Variants in MACROH2A2 observed in about 807,000 individuals in gnomAD.
The protein encoded by MACROH2A2 is macroH2A.2 histone.
Under a neutral mutation model 37.6 loss-of-function variants are expected in MACROH2A2, and 6 were observed. The observed-to-expected ratio is 0.16, with a 90% CI of 0.09 to 0.32. MACROH2A2 has a LOEUF of 0.32. MACROH2A2 is among the 10% of genes least tolerant of loss of function. The pLI, the probability that MACROH2A2 is intolerant of heterozygous loss-of-function variation, is 1.00. For missense variants in MACROH2A2, 290 were observed against 485.9 expected (o/e 0.60, Z 3.79); for synonymous variants, 192 against 202.7 (o/e 0.95, Z 0.45).
chr10:70,074,802 G>C (rs1354722025), intron 1 of MACROH2A2, among the ~76,000 whole-genome samples: 2 of 152,182 alleles, frequency 1.3e-5, no homozygotes, highest in African/African-American at 4.8e-5. Context: ...ACGTGGAACT[G>C]TGAGTGCATT....
intron 4 of MACROH2A2, among the ~76,000 whole-genome samples, chr10:70,093,086 T>C (rs2072256031): frequency 6.6e-6 from 1 of 151,946 alleles, no homozygotes; most frequent in Non-Finnish European, 1.5e-5. Context: ...CATAGCTCAC[T>C]GTAGCCTCAA....
intron 2 of MACROH2A2, among the ~76,000 whole-genome samples, chr10:70,080,532 TCC>T (rs2072169950): frequency 6.6e-6 from 1 of 151,972 alleles, no homozygotes; most frequent in Non-Finnish European, 1.5e-5. Flanking sequence ...GTCCAGGAGT[TCC>T]AGACCAGCTT....
At chr10:70,077,190 T>G (rs545000479) in intron 2 of MACROH2A2, among the ~76,000 whole-genome samples, 1 of 152,362 alleles carries the variant, frequency 6.6e-6, no homozygotes, top group African/African-American at 2.4e-5. Flanking sequence ...ATGATGCTGC[T>G]GGTCCAGGGA....
At chr10:70,056,826 C>G (rs2136613451) in intron 1 of MACROH2A2, among the ~76,000 whole-genome samples, 1 of 152,196 alleles carries the variant, frequency 6.6e-6, no homozygotes, top group South Asian at 2.1e-4. Flanking sequence ...CTAAAAGAAC[C>G]CTCACAATTT....
At chr10:70,072,762 C>G (rs4746020) in intron 1 of MACROH2A2, among the ~76,000 whole-genome samples, 63,542 of 151,780 alleles carry the variant, frequency 0.42, 13,677 homozygotes, top group East Asian at 0.58. Flanking sequence ...TTTGAGACCA[C>G]CCTGGCCAAC....
At chr10:70,068,925 T>C (rs576213055) in intron 1 of MACROH2A2, among the ~76,000 whole-genome samples, 1 of 152,336 alleles carries the variant, frequency 6.6e-6, no homozygotes, top group African/African-American at 2.4e-5. Flanking sequence ...CAACATCTAA[T>C]GTAGTTTCTT....
chr10:70,077,817 T>TG (rs1477464122), intron 2 of MACROH2A2, among the ~76,000 whole-genome samples: 1 of 152,208 alleles, frequency 6.6e-6, no homozygotes, highest in Non-Finnish European at 1.5e-5. Context: ...AGGAATCTGA[T>TG]GGGAAAACCT....
chr10:70,069,493 A>G (rs2072096966), intron 1 of MACROH2A2, among the ~76,000 whole-genome samples: 1 of 152,144 alleles, frequency 6.6e-6, no homozygotes, highest in Non-Finnish European at 1.5e-5. Flanking sequence ...TTTCCTCTAT[A>G]GCCCACGTGC....
chr10:70,106,903 T>G (rs558908444), intron 7 of MACROH2A2, among the ~76,000 whole-genome samples: 1 of 151,972 alleles, frequency 6.6e-6, no homozygotes, highest in Non-Finnish European at 1.5e-5. Flanking sequence ...GCCATGACTG[T>G]AACAAGCCAA....
At chr10:70,109,006 C>A (rs1334287696) in intron 7 of MACROH2A2, 27 bp from the exon 8 acceptor site, 3 of 1,606,670 alleles carry the variant, frequency 1.9e-6, no homozygotes, top group Non-Finnish European at 2.6e-6. Context: ...GGAAATAACC[C>A]GCGGCATTTT....
At chr10:70,093,401 G>A (rs1487659238) in intron 4 of MACROH2A2, among the ~76,000 whole-genome samples, 1 of 152,134 alleles carries the variant, frequency 6.6e-6, no homozygotes, top group Non-Finnish European at 1.5e-5. Context: ...GCTAAGCAAT[G>A]GGCTATCAAC....
intron 2 of MACROH2A2, among the ~76,000 whole-genome samples, chr10:70,087,136 A>G (rs2072216756): frequency 6.6e-6 from 1 of 152,076 alleles, no homozygotes; most frequent in South Asian, 2.1e-4. Context: ...GGCTGCAGTG[A>G]GCCATCACTG....
chr10:70,070,649 G>A (rs191383398), intron 1 of MACROH2A2, among the ~76,000 whole-genome samples: 401 of 152,132 alleles, frequency 2.6e-3, no homozygotes, highest in African/African-American at 9.2e-3. Flanking sequence ...CCGCCACCAC[G>A]CCCGGCTAAT....
chr10:70,070,767 C>T (rs1010654842), intron 1 of MACROH2A2, among the ~76,000 whole-genome samples: 1 of 152,184 alleles, frequency 6.6e-6, no homozygotes. Flanking sequence ...GGATTACAGG[C>T]GTAAGCCACC....
In MACROH2A2 at chr10:70,070,002, TC is replaced by T. The variant is rs200893383; in HGVS notation, c.-59-5596del. 6.2e-4 allele frequency among the ~76,000 whole-genome samples: 94 copies of T among 152,216 alleles called. No homozygotes were observed. In the East Asian group the frequency reaches 0.017, roughly 27 times the overall value. ...GGAGTGGCCCCAGAGGCTCAGCACTTCCTCCCGTCGGTGGGCTCTGGTAGAT... is the reference window on the plus strand; with the variant it reads ...GGAGTGGCCCCAGAGGCTCAGCACTTCTCCCGTCGGTGGGCTCTGGTAGAT... On this transcript the variant is annotated intron_variant, in intron 1 of 8. Coordinates refer to ENST00000373255, the MANE Select transcript of MACROH2A2 (RefSeq NM_018649.3).
chr10:70,082,495 T>G (rs2072185443), intron 2 of MACROH2A2, among the ~76,000 whole-genome samples: 1 of 151,934 alleles, frequency 6.6e-6, no homozygotes, highest in Admixed American at 6.6e-5. Context: ...AACCATGTTC[T>G]TAGCAGCATT....
chr10:70,058,716 A>G (rs1342662477), intron 1 of MACROH2A2, among the ~76,000 whole-genome samples: 3 of 152,142 alleles, frequency 2.0e-5, no homozygotes, highest in Non-Finnish European at 2.9e-5. Context: ...CAATAAGACC[A>G]TTAAAATTAA....
rs747050791 is a variant in MACROH2A2 at position 70,109,169 on chromosome 10, G to A, written c.915G>A (p.Lys305=). ...KNCLSAAEDK[K]LKSVAFPPFP... ...GCCTGTCAGCGGCGGAGGACAAGAA[G>A]CTAAAGTCCGTCGCGTTCCCGCCTT... Residue 305 remains lysine (K), a synonymous_variant, in exon 8 of 9, where the codon AAG becomes AAA. Transcript: ENST00000373255. 1.9e-5 allele frequency: 31 copies of A among 1,614,082 alleles called. No individual in the cohort carries two copies. The highest frequency in any genetic ancestry group is 2.5e-5 in the Non-Finnish European group (29 of 1,180,004).
At chr10:70,090,514 CTT>C (rs2136634808) in intron 3 of MACROH2A2, among the ~76,000 whole-genome samples, 2 of 152,336 alleles carry the variant, frequency 1.3e-5, no homozygotes, top group South Asian at 4.1e-4. Flanking sequence ...GCAGAAGACT[CTT>C]TATATTTTAG....
Sources: gnomAD v4.1 joint callset for allele counts (sites outside exome capture counted in the v4.1 genomes callset) on GRCh38, gnomAD v4.1.1 for gene constraint, MANE v1.5 for transcripts, NCBI Gene and HGNC (gene_info 2026-07-23, HGNC 2026-07-21) for gene names.